Variants in COL4A3 observed in about 807,000 individuals in gnomAD.
COL4A3 encodes the protein collagen alpha-3(IV) chain.
In COL4A3, 135 loss-of-function variants were observed where a neutral mutation model predicts 217.4. That is an observed-to-expected ratio of 0.62 (90% CI 0.54 to 0.72). COL4A3 has a LOEUF of 0.72. Among genes scored for constraint, COL4A3 ranks in the 30% least tolerant of loss-of-function variants. The pLI is 0.00. For missense variants in COL4A3, 1,868 were observed against 2,119.9 expected (o/e 0.88, Z 2.33); for synonymous variants, 690 against 736.3 (o/e 0.94, Z 1.02).
At chr2:227,266,368 T>C (rs1297129067) in intron 21 of COL4A3, 49 bp from the exon 22 acceptor site, 2 of 1,375,342 alleles carry the variant, frequency 1.5e-6, no homozygotes, top group Admixed American at 1.7e-5. Context: ...TACTTGCTAA[T>C]TGAAAAAAAC....
intron 1 of COL4A3, among the ~76,000 whole-genome samples, chr2:227,192,424 G>A (rs999083903): frequency 2.6e-4 from 24 of 90,832 alleles, no homozygotes; most frequent in African/African-American, 8.4e-4. Flanking sequence ...CCCTGACCAG[G>A]GCAGGATGAA....
At chr2:227,212,753 T>A (rs1240612778) in intron 1 of COL4A3, among the ~76,000 whole-genome samples, 1 of 152,242 alleles carries the variant, frequency 6.6e-6, no homozygotes, top group African/African-American at 2.4e-5. Flanking sequence ...GTGCTTTACA[T>A]TTTTTATGAC....
chr2:227,167,321 A>G (rs2065313894), intron 1 of COL4A3, among the ~76,000 whole-genome samples: 1 of 152,250 alleles, frequency 6.6e-6, no homozygotes. Context: ...GTCCACCCAC[A>G]CAATTTGGAC....
chr2:227,306,580 T>C (rs549309999), intron 47 of COL4A3, among the ~76,000 whole-genome samples: 144 of 152,296 alleles, frequency 9.5e-4, no homozygotes, highest in Non-Finnish European at 1.7e-3. Flanking sequence ...AATTTGGATG[T>C]GGCCTATTTT....
At chr2:227,281,406 C>T (rs977658828) in intron 31 of COL4A3, among the ~76,000 whole-genome samples, 32 of 152,092 alleles carry the variant, frequency 2.1e-4, no homozygotes, top group African/African-American at 7.5e-4. Context: ...TGCAATGATA[C>T]CAGTTTAAAA....
At chr2:227,245,470 T>C (rs113614639) in intron 5 of COL4A3, among the ~76,000 whole-genome samples, 13 of 152,164 alleles carry the variant, frequency 8.5e-5, no homozygotes, top group African/African-American at 2.9e-4. Flanking sequence ...CCATTCTATA[T>C]AAGAGACTTG....
chr2:227,202,863 A>G (rs1204488280), intron 1 of COL4A3, among the ~76,000 whole-genome samples: 1 of 29,550 alleles, frequency 3.4e-5, no homozygotes, highest in Non-Finnish European at 5.8e-5. Flanking sequence ...GTATATATAC[A>G]TATATGTGTA....
intron 1 of COL4A3, among the ~76,000 whole-genome samples, chr2:227,182,505 A>G (rs2065893052): frequency 6.6e-6 from 1 of 152,096 alleles, no homozygotes; most frequent in Admixed American, 6.5e-5. Flanking sequence ...CCAGCAGGGG[A>G]TATTTGTGAA....
chr2:227,210,642 C>T (rs115916549), intron 1 of COL4A3, among the ~76,000 whole-genome samples: 11,585 of 152,252 alleles, frequency 0.076, 635 homozygotes, highest in African/African-American at 0.15. Flanking sequence ...GTACACAGCA[C>T]GCATGCAAGC....
Position 227,195,665 on chromosome 2 carries a change from A to ATGTGTGTGTGTGTGTGTG in COL4A3, c.87+30853_87+30854insGTGTGTGTGTGTGTGTGT, listed in dbSNP as rs769877364. 8.9e-4 allele frequency among the ~76,000 whole-genome samples: 115 copies of ATGTGTGTGTGTGTGTGTG among 129,088 alleles called. 1 individual carries two copies. The highest frequency in any genetic ancestry group is 3.0e-3 in the African/African-American group (100 of 32,926). The allele number at this position is 129,088 out of a possible 152,430, so 84.7% of individuals were successfully genotyped here. On this transcript the variant is annotated intron_variant, in intron 1 of 51. Transcript: ENST00000396578. ...TAGAGTCTATGCCACATATATATATATATGTGTGTGTGTGTGTGTGTGTGT... is the reference window on the plus strand; with the variant it reads ...TAGAGTCTATGCCACATATATATATATGTGTGTGTGTGTGTGTGTATGTGTGTGTGTGTGTGTGTGTGT...
intron 3 of COL4A3, among the ~76,000 whole-genome samples, chr2:227,240,735 G>C (rs573593959): frequency 1.3e-5 from 2 of 152,296 alleles, no homozygotes; most frequent in African/African-American, 4.8e-5. Flanking sequence ...CCAAAGGATT[G>C]CTATCTTCTC....
intron 1 of COL4A3, among the ~76,000 whole-genome samples, chr2:227,198,617 A>G (rs549116236): frequency 6.6e-6 from 1 of 152,258 alleles, no homozygotes; most frequent in South Asian, 2.1e-4. Context: ...ACCATGTACT[A>G]CTACTGGAGA....
At chr2:227,280,727 T>C (rs1279563978) in intron 30 of COL4A3, 137 bp downstream of exon 30, 8 of 1,175,374 alleles carry the variant, frequency 6.8e-6, no homozygotes, top group Non-Finnish European at 1.0e-5. Flanking sequence ...TCTTTCCTTC[T>C]TCCTTCCTTC....
At chr2:227,257,454 T>A in intron 17 of COL4A3, 149 bp from the exon 18 acceptor site, 2 of 710,050 alleles carry the variant, frequency 2.8e-6, no homozygotes, top group South Asian at 3.2e-5. Flanking sequence ...AGGAAAATAA[T>A]TTAAAGTCAG....
rs749839237 is a variant in COL4A3 at position 227,246,833 on chromosome 2, T to C, written c.441+95T>C. 7 of 1,057,972 alleles carry C rather than the reference T, an allele frequency of 6.6e-6. No homozygotes were observed. In the East Asian group the frequency reaches 1.4e-4, roughly 22 times the overall value. The allele number at this position is 1,057,972 out of a possible 1,614,324, so 65.5% of individuals were successfully genotyped here. On this transcript the variant is annotated intron_variant, in intron 7 of 51. Coordinates refer to ENST00000396578, the MANE Select transcript of COL4A3 (RefSeq NM_000091.5). Reference sequence around the variant, plus strand: ...CATATACACAAATCCGTCATGACTTTAGGGAAGTCTGGGGTAGCCATAGTA... The same window carrying C: ...CATATACACAAATCCGTCATGACTTCAGGGAAGTCTGGGGTAGCCATAGTA...
chr2:227,300,660 T>C (rs1053625417), intron 43 of COL4A3, among the ~76,000 whole-genome samples: 1 of 152,088 alleles, frequency 6.6e-6, no homozygotes, highest in Non-Finnish European at 1.5e-5. Context: ...AAAGCTACAG[T>C]CCCTTGCCCT....
intron 43 of COL4A3, 42 bp downstream of exon 43, chr2:227,298,854 T>A (rs761013863): frequency 1.9e-6 from 3 of 1,564,190 alleles, no homozygotes; most frequent in Non-Finnish European, 2.6e-6. Context: ...TAATTCAATA[T>A]CAACTTATAA....
intron 31 of COL4A3, 62 bp downstream of exon 31, chr2:227,281,068 T>C: frequency 1.0e-6 from 1 of 988,666 alleles, no homozygotes; most frequent in South Asian, 1.4e-5. Flanking sequence ...TCCTGCTCTG[T>C]GCTTTGCTGC....
intron 23 of COL4A3, among the ~76,000 whole-genome samples, chr2:227,267,384 A>T (rs1240001793): frequency 6.6e-6 from 1 of 152,248 alleles, no homozygotes; most frequent in Non-Finnish European, 1.5e-5. Flanking sequence ...AAGCAGCTGC[A>T]TGAAACACAC....
Sources: gnomAD v4.1 joint callset for allele counts (sites outside exome capture counted in the v4.1 genomes callset) on GRCh38, gnomAD v4.1.1 for gene constraint, MANE v1.5 for transcripts, NCBI Gene and HGNC (gene_info 2026-07-23, HGNC 2026-07-21) for gene names.